CCDC88A: variants seen among roughly 807,000 people sequenced by gnomAD.
CCDC88A encodes the protein coiled-coil and HOOK domain protein 88A, also known as girdin.
A neutral mutation model predicts 234.3 loss-of-function variants in CCDC88A; 54 were observed. That is an observed-to-expected ratio of 0.23 (90% CI 0.19 to 0.29). The LOEUF (loss-of-function observed/expected upper bound fraction) is 0.29, where lower values mean the gene tolerates loss of function less well. Ranked by LOEUF, CCDC88A falls within the 10% of genes least tolerant of loss-of-function variation. CCDC88A has a pLI of 1.00. For synonymous variants in CCDC88A, 753 were observed against 737.8 expected, an observed-to-expected ratio of 1.02 and a Z score of -0.33; for missense variants, 1,832 against 2,123.4, an observed-to-expected ratio of 0.86 and a Z score of 2.70.
At chr2:55,330,907 C>T (rs920225606) in intron 16 of CCDC88A, among the ~76,000 whole-genome samples, 1 of 152,154 alleles carries the variant, frequency 6.6e-6, no homozygotes, top group South Asian at 2.1e-4. Flanking sequence ...CATGGAATGC[C>T]CTTTCCCACT....
Position 55,317,490 on chromosome 2 carries a change from A to C in CCDC88A, c.3602+74T>G, listed in dbSNP as rs1369307427. On this transcript the variant is annotated intron_variant, in intron 20 of 32. Transcript: ENST00000436346. This position sits in a 1 kb window ranked among gnomAD's most constrained non-coding sequence, Gnocchi z 4.2. ...TGTAAACTAACATTAGATGTGTTTA[A>C]TATATAAAATTTATTATACTACTTG... The C allele has an allele frequency of 8.4e-7, 1 of 1,192,930 alleles. No homozygotes were observed. The highest frequency in any genetic ancestry group is 1.1e-6 in the Non-Finnish European group (1 of 875,566). 73.9% of individuals were successfully genotyped at this position (1,192,930 alleles called of 1,614,324 possible). A position where few individuals can be genotyped will look rare whatever the true frequency, so the allele number is the denominator to read the frequency against.
intron 2 of CCDC88A, among the ~76,000 whole-genome samples, chr2:55,390,438 C>T (rs1676460336): frequency 6.6e-6 from 1 of 152,156 alleles, no homozygotes; most frequent in Non-Finnish European, 1.5e-5. Flanking sequence ...CATTCTTAAT[C>T]CCCAACCTTG....
intron 8 of CCDC88A, among the ~76,000 whole-genome samples, chr2:55,354,382 C>T (rs906609141): frequency 3.3e-5 from 5 of 151,950 alleles, no homozygotes; most frequent in Admixed American, 2.6e-4. Flanking sequence ...CCACCTGCCT[C>T]GGCCTCCCAA....
At chr2:55,357,604 T>C (rs1670763107) in intron 7 of CCDC88A, among the ~76,000 whole-genome samples, 1 of 152,186 alleles carries the variant, frequency 6.6e-6, no homozygotes, top group Non-Finnish European at 1.5e-5. Flanking sequence ...ATTTCAGCTG[T>C]ACTACTATTC....
In CCDC88A at chr2:55,295,945, C is replaced by T. The variant is rs749089206; in HGVS notation, c.5203G>A (p.Val1735Ile). ...AAGTCCCCTGGGGTTTTTCCACTTA[C>T]TGACCTGGCCAGACCACAGCTAACT... The part of the protein sequence containing the change: ...KPVSCGLARS[V>I]SGKTPGDFYD... The change falls in exon 31 of 33, where the codon GTA (valine) becomes ATA (isoleucine). Residue 1735 changes from valine (V) to isoleucine (I), a missense_variant. Physicochemically the swap from Val to Ile is conservative, Grantham distance 29 (BLOSUM62 3). Around this residue, in one of 6 missense-constraint regions of CCDC88A, gnomAD observed 422 missense variants for 416.5 expected, o/e 1.01. Transcript: ENST00000436346. 1.9e-6 allele frequency: 3 copies of T among 1,614,058 alleles called. No individual in the cohort carries two copies. Among genetic ancestry groups the T allele is most frequent in the Non-Finnish European group, 2.5e-6 (3 of 1,179,994 alleles).
rs1004631467 is a variant in CCDC88A, at chr2:55,414,890, C to A, written c.164+3926G>T. Among the ~76,000 whole-genome samples the A allele has an allele frequency of 1.1e-4, 16 of 151,678 alleles. No individual in the cohort carries two copies. The South Asian group carries it at 3.4e-3, about 32-fold the overall frequency. ...ACCATCCTGGCTAACACGGTGAAAC[C>A]CCGTCTCTACTAAAAAAATACAAAA... On this transcript the variant is annotated intron_variant, in intron 2 of 32. Coordinates refer to ENST00000436346, the MANE Select transcript of CCDC88A (RefSeq NM_001365480.1).
chr2:55,332,182 G>C lies in CCDC88A; in HGVS notation c.2855+384C>G, dbSNP rs999663094. The C allele has an allele frequency of 6.5e-6, 1 of 153,574 alleles. No homozygotes were observed. Among genetic ancestry groups the C allele is most frequent in the Non-Finnish European group, 1.4e-5 (1 of 69,414 alleles). The allele number at this position is 153,574 out of a possible 1,614,324, so 9.5% of individuals were successfully genotyped here. A position where few individuals can be genotyped will look rare whatever the true frequency, so the allele number is the denominator to read the frequency against. On this transcript the variant is annotated intron_variant, in intron 16 of 32. Transcript: ENST00000436346. The surrounding 1 kb of genome is among the most constrained non-coding windows in gnomAD (Gnocchi z 4.5). The stretch of plus-strand genomic sequence containing the variant: ...TGCCCAGGCTGGAGTGCAACGGCAC[G>C]ATCTCAGCTCACCGCAACCTCAGCC...
chr2:55,325,192 C>T (rs1027908737), intron 17 of CCDC88A, among the ~76,000 whole-genome samples: 6 of 152,210 alleles, frequency 3.9e-5, no homozygotes, highest in Non-Finnish European at 7.4e-5. Context: ...TCTTCTAATT[C>T]ATGAACATGG....
chr2:55,301,919 A>C lies in CCDC88A; in HGVS notation c.4625T>G (p.Val1542Gly). 6.2e-7 allele frequency: 1 copy of C among 1,614,198 alleles called. No homozygotes were observed. The highest frequency in any genetic ancestry group is 8.5e-7 in the Non-Finnish European group (1 of 1,180,030). The change falls in exon 27 of 33, where the codon GTC (valine) becomes GGC (glycine). Residue 1542 changes from valine to glycine, a missense_variant. By Grantham distance (109) the Val-to-Gly change is moderately radical. Transcript: ENST00000436346. ...GGATCTGAAGCCTGCAGAAGAGTTGACAGTTGAAAAGTTGATGGCTGTAGT... is the reference window on the plus strand; with the variant it reads ...GGATCTGAAGCCTGCAGAAGAGTTGCCAGTTGAAAAGTTGATGGCTGTAGT... Reference protein sequence around the residue: ...FSTTAINFSTVNSSAGFRSKQ... With the variant: ...FSTTAINFSTGNSSAGFRSKQ...
rs996892107 is a variant in CCDC88A, at chr2:55,290,690, A to G, written c.*510T>C. 6.6e-6 allele frequency: 1 copy of G among 152,494 alleles called. No homozygotes were observed. Among genetic ancestry groups the G allele is most frequent in the African/African-American group, 2.4e-5 (1 of 41,446 alleles). 9.4% of individuals were successfully genotyped at this position (152,494 alleles called of 1,614,324 possible). ...AATAAGGCTCTGACATGCCAAAACA[A>G]TTTTCTCTGTATCTTGCTATATAGT... On this transcript the variant is annotated 3_prime_UTR_variant, in exon 33 of 33. Transcript: ENST00000436346.
At position 55,288,819 on chromosome 2, in the gene CCDC88A, C is replaced by T. The variant is rs1303160024; in HGVS notation, c.*2381G>A. On this transcript the variant is annotated 3_prime_UTR_variant, in exon 33 of 33. Coordinates refer to ENST00000436346, the MANE Select transcript of CCDC88A (RefSeq NM_001365480.1). ...GCCCCGGTTAGGAAAATGAAAATGG[C>T]TCCGATTCGTTTCCAGTTGGCTTTA... 1 of 152,126 alleles carries T rather than the reference C, an allele frequency of 6.6e-6. No individual in the cohort carries two copies. The highest frequency in any genetic ancestry group is 1.5e-5 in the Non-Finnish European group (1 of 68,006). The allele number at this position is 152,126 out of a possible 1,614,324, so 9.4% of individuals were successfully genotyped here.
chr2:55,403,206 A>T (rs1299450913), intron 2 of CCDC88A, among the ~76,000 whole-genome samples: 2 of 152,218 alleles, frequency 1.3e-5, no homozygotes, highest in Non-Finnish European at 2.9e-5. Flanking sequence ...TCAAGTATTA[A>T]CAACCAGTTT....
intron 3 of CCDC88A, among the ~76,000 whole-genome samples, chr2:55,378,105 T>C (rs1164550542): frequency 3.3e-5 from 5 of 152,222 alleles, no homozygotes; most frequent in South Asian, 4.1e-4. Flanking sequence ...TACACTGTTA[T>C]AAGCAAAATT....
chr2:55,374,177 T>C (rs1673247003), intron 4 of CCDC88A, among the ~76,000 whole-genome samples: 2 of 152,080 alleles, frequency 1.3e-5, no homozygotes, highest in African/African-American at 4.8e-5. Flanking sequence ...AGTTCGAGAC[T>C]GGCCTGGCCA....
chr2:55,303,289 CTAT>C, intron 25 of CCDC88A, 137 bp from the exon 26 acceptor site: 1 of 632,898 alleles, frequency 1.6e-6, no homozygotes, highest in South Asian at 1.8e-5. Context: ...TATATTAAGG[CTAT>C]TATTCTCATG....
At position 55,418,838 on chromosome 2, in the gene CCDC88A, A is replaced by G. The variant is rs1238056927; in HGVS notation, c.142T>C (p.Leu48=). 2 of 1,613,872 alleles carry G rather than the reference A, an allele frequency of 1.2e-6. No homozygotes were observed. The highest frequency in any genetic ancestry group is 1.3e-5 in the African/African-American group (1 of 74,920). Residue 48 remains leucine (L), a synonymous_variant, in exon 2 of 33, where the codon TTG becomes CTG. Transcript: ENST00000436346. ...EYVALVDGVF[L]NQVMLQINPK... Reference sequence around the variant, plus strand: ...TACATTTGGAGCATGACCTGGTTCAAGAATACCCCATCCACCAAAGCCACA... The same window carrying G: ...TACATTTGGAGCATGACCTGGTTCAGGAATACCCCATCCACCAAAGCCACA...
At chr2:55,384,592 CATATATACGT>C (rs1675229065) in intron 3 of CCDC88A, among the ~76,000 whole-genome samples, 2 of 76,184 alleles carry the variant, frequency 2.6e-5, no homozygotes, top group African/African-American at 5.6e-5. Flanking sequence ...TATATATACA[CATATATACGT>C]ATATATGTGT....
At chr2:55,298,191 G>A (rs893704377) in intron 29 of CCDC88A, among the ~76,000 whole-genome samples, 1 of 151,940 alleles carries the variant, frequency 6.6e-6, no homozygotes, top group Admixed American at 6.6e-5. Flanking sequence ...ACTTTCCATT[G>A]TTTCCCAGTC....
chr2:55,310,624 T>C (rs1466739693), intron 23 of CCDC88A, among the ~76,000 whole-genome samples: 1 of 151,338 alleles, frequency 6.6e-6, no homozygotes, highest in Non-Finnish European at 1.5e-5. Context: ...AGGAAGCTAA[T>C]GGGGTAGTCT....
Sources: gnomAD v4.1 joint callset for allele counts (sites outside exome capture counted in the v4.1 genomes callset) on GRCh38, gnomAD v4.1.1 for gene constraint, gnomAD v4.1.1 regional missense constraint, Gnocchi (gnomAD v3.1) non-coding constraint, MANE v1.5 for transcripts, NCBI Gene and HGNC (gene_info 2026-07-23, HGNC 2026-07-21) for gene names.